Variants in BTBD9 observed in about 807,000 individuals in gnomAD.
The protein encoded by BTBD9 is BTB domain containing 9.
A neutral mutation model predicts 64.3 loss-of-function variants in BTBD9; 49 were observed. The ratio of observed to expected loss-of-function variants is 0.76; its 90% confidence interval spans 0.61 to 0.97. BTBD9 has a LOEUF of 0.97. Ranked by LOEUF, BTBD9 falls within the 50% of genes least tolerant of loss-of-function variation. The pLI, the probability that BTBD9 is intolerant of heterozygous loss-of-function variation, is 0.00. For synonymous variants in BTBD9, 260 were observed against 274.7 expected (o/e 0.95, Z 0.53); for missense variants, 598 against 762.1 (o/e 0.78, Z 2.53).
intron 6 of BTBD9, among the ~76,000 whole-genome samples, chr6:38,347,913 C>T (rs982981398): frequency 5.3e-5 from 8 of 152,186 alleles, no homozygotes; most frequent in African/African-American, 1.9e-4. Context: ...AGGAGAATCG[C>T]TTGAAACTGG....
intron 6 of BTBD9, among the ~76,000 whole-genome samples, chr6:38,382,758 G>T (rs981085315): frequency 6.6e-6 from 1 of 152,000 alleles, no homozygotes; most frequent in Non-Finnish European, 1.5e-5. Flanking sequence ...AGATTAAAAA[G>T]ATAAGAAATT....
At chr6:38,308,639 T>C (rs545058062) in intron 7 of BTBD9, among the ~76,000 whole-genome samples, 8 of 152,316 alleles carry the variant, frequency 5.3e-5, no homozygotes, top group African/African-American at 1.9e-4. Context: ...GGTCTCACTC[T>C]GTTGCCCAGG....
At chr6:38,532,516 AG>A (rs1773844041) in intron 6 of BTBD9, among the ~76,000 whole-genome samples, 1 of 152,164 alleles carries the variant, frequency 6.6e-6, no homozygotes, top group Non-Finnish European at 1.5e-5. Flanking sequence ...ACTGCTCCAA[AG>A]AGACCCCTTT....
chr6:38,574,606 T>A (rs1477656706), intron 6 of BTBD9, among the ~76,000 whole-genome samples: 1 of 152,122 alleles, frequency 6.6e-6, no homozygotes, highest in Non-Finnish European at 1.5e-5. Context: ...ATTTATTGAG[T>A]CCCTCCTTTC....
At chr6:38,569,487 G>C (rs1775661355) in intron 6 of BTBD9, among the ~76,000 whole-genome samples, 1 of 152,140 alleles carries the variant, frequency 6.6e-6, no homozygotes, top group South Asian at 2.1e-4. Context: ...TATAGTTTTT[G>C]CCCTTTCAGA....
At chr6:38,432,264 T>C (rs1451361280) in intron 6 of BTBD9, among the ~76,000 whole-genome samples, 1 of 152,066 alleles carries the variant, frequency 6.6e-6, no homozygotes, top group Non-Finnish European at 1.5e-5. Flanking sequence ...AATATAGTTC[T>C]GAAACTGCCT....
rs554146962 is a variant in BTBD9, at chr6:38,586,800, T to C, written c.814+5776A>G. ...TTTACTGGCCAGGCGTGGTGGCTCA[T>C]GCCTGTAATCCCAACACTTTGGGAG... On this transcript the variant is annotated intron_variant, in intron 4 of 10. Coordinates refer to ENST00000481247, the MANE Select transcript of BTBD9 (RefSeq NM_001099272.2). Among the ~76,000 whole-genome samples, 7 of 152,062 alleles carry C rather than the reference T, an allele frequency of 4.6e-5. No homozygotes were observed. In the South Asian group the frequency reaches 8.3e-4, roughly 18 times the overall value.
intron 9 of BTBD9, among the ~76,000 whole-genome samples, chr6:38,219,301 A>ATTT (rs11389502): frequency 3.0e-4 from 41 of 136,744 alleles, no homozygotes; most frequent in African/African-American, 4.1e-4. Context: ...CACCCAGCTA[A>ATTT]TTTTTTTTTT....
intron 6 of BTBD9, among the ~76,000 whole-genome samples, chr6:38,577,303 T>A (rs558941621): frequency 6.6e-6 from 1 of 152,360 alleles, no homozygotes; most frequent in African/African-American, 2.4e-5. Flanking sequence ...ATTCACTGTA[T>A]AGCACGGAGT....
At chr6:38,506,187 T>C (rs1772504735) in intron 6 of BTBD9, among the ~76,000 whole-genome samples, 2 of 152,296 alleles carry the variant, frequency 1.3e-5, no homozygotes, top group South Asian at 4.1e-4. Context: ...AGATGATCCT[T>C]GTTTTACAAT....
intron 6 of BTBD9, among the ~76,000 whole-genome samples, chr6:38,410,938 A>G (rs556236855): frequency 6.6e-6 from 1 of 152,120 alleles, no homozygotes; most frequent in African/African-American, 2.4e-5. Flanking sequence ...GGTTCCCTGC[A>G]TGTATCTCCA....
Position 38,170,895 on chromosome 6 carries a change from G to A in BTBD9, c.*4090C>T, listed in dbSNP as rs1384248522. ...CCTGCCCGGGCCGTGCCCGACCTGG[G>A]CATCGCTCGGAGGAGCTGGTCACCA... is the stretch of plus-strand genomic sequence containing the variant. On this transcript the variant is annotated 3_prime_UTR_variant, in exon 11 of 11. Transcript: ENST00000481247. 2.0e-5 allele frequency: 3 copies of A among 152,264 alleles called. No individual in the cohort carries two copies. The highest frequency in any genetic ancestry group is 7.2e-5 in the African/African-American group (3 of 41,476). 9.4% of individuals were successfully genotyped at this position (152,264 alleles called of 1,614,324 possible). A position where few individuals can be genotyped will look rare whatever the true frequency, so the allele number is the denominator to read the frequency against.
intron 10 of BTBD9, among the ~76,000 whole-genome samples, chr6:38,182,978 CTTCT>C (rs1200948517): frequency 2.3e-3 from 255 of 109,372 alleles, no homozygotes; most frequent in African/African-American, 5.5e-3. Flanking sequence ...CACAAAAGGT[CTTCT>C]TTTTTTTTTT....
intron 6 of BTBD9, among the ~76,000 whole-genome samples, chr6:38,457,071 G>GA (rs1769851697): frequency 6.6e-6 from 1 of 152,146 alleles, no homozygotes; most frequent in Non-Finnish European, 1.5e-5. Flanking sequence ...GCTAGGGTGG[G>GA]AAAAATGTTG....
At chr6:38,448,787 G>A (rs1769389564) in intron 6 of BTBD9, among the ~76,000 whole-genome samples, 1 of 152,124 alleles carries the variant, frequency 6.6e-6, no homozygotes, top group Non-Finnish European at 1.5e-5. Flanking sequence ...CAAAGTGCTG[G>A]GATTACAGGC....
intron 9 of BTBD9, among the ~76,000 whole-genome samples, chr6:38,213,536 T>C (rs1376728528): frequency 6.6e-6 from 1 of 152,200 alleles, no homozygotes; most frequent in Non-Finnish European, 1.5e-5. Context: ...ATAAAGGCCC[T>C]TTCCGGGATC....
intron 7 of BTBD9, among the ~76,000 whole-genome samples, chr6:38,297,437 T>C (rs775995899): frequency 1.2e-4 from 19 of 152,230 alleles, no homozygotes; most frequent in Non-Finnish European, 2.6e-4. Context: ...TGTTGATTTT[T>C]GCTTTATGTG....
chr6:38,407,231 A>C (rs1242526451), intron 6 of BTBD9, among the ~76,000 whole-genome samples: 1 of 152,264 alleles, frequency 6.6e-6, no homozygotes, highest in East Asian at 1.9e-4. Context: ...TGTTGATCAC[A>C]TATAAAATAA....
intron 7 of BTBD9, among the ~76,000 whole-genome samples, chr6:38,300,264 T>C (rs1015643976): frequency 2.0e-5 from 3 of 152,224 alleles, no homozygotes; most frequent in African/African-American, 7.2e-5. Flanking sequence ...ACTGTAGCCT[T>C]GTAGTGTAGT....
Sources: gnomAD v4.1 joint callset for allele counts (sites outside exome capture counted in the v4.1 genomes callset) on GRCh38, gnomAD v4.1.1 for gene constraint, MANE v1.5 for transcripts, NCBI Gene and HGNC (gene_info 2026-07-23, HGNC 2026-07-21) for gene names.